Variants in SCD5 observed in about 807,000 individuals in gnomAD.
SCD5 encodes the protein acyl-CoA-desaturase 4.
A neutral mutation model predicts 30.4 loss-of-function variants in SCD5; 20 were observed. The ratio of observed to expected loss-of-function variants is 0.66; its 90% CI spans 0.46 to 0.96. SCD5 has a LOEUF of 0.96. Among genes scored for constraint, SCD5 ranks in the 40% least tolerant of loss-of-function variants. SCD5 has a pLI of 0.00. For missense variants in SCD5, 381 were observed against 443.3 expected (o/e 0.86, Z 1.26); for synonymous variants, 173 against 176.4 (o/e 0.98, Z 0.16).
At chr4:82,721,032 T>C (rs1720359323) in intron 1 of SCD5, among the ~76,000 whole-genome samples, 1 of 152,070 alleles carries the variant, frequency 6.6e-6, no homozygotes, top group South Asian at 2.1e-4. Context: ...TGGTGGCACA[T>C]GCCTGTAGTT....
At chr4:82,735,988 C>T (rs1450483994) in intron 1 of SCD5, among the ~76,000 whole-genome samples, 1 of 152,104 alleles carries the variant, frequency 6.6e-6, no homozygotes, top group Non-Finnish European at 1.5e-5. Context: ...TTATAACACA[C>T]AAATTTATTA....
intron 1 of SCD5, among the ~76,000 whole-genome samples, chr4:82,714,496 C>T (rs1227542465): frequency 2.0e-5 from 3 of 152,064 alleles, no homozygotes; most frequent in South Asian, 4.1e-4. Context: ...GCACCTGAAG[C>T]ATGAGCTCAT....
At chr4:82,636,933 G>C (rs1727445756) in intron 3 of SCD5, 110 bp from the exon 4 acceptor site, 1 of 877,022 alleles carries the variant, frequency 1.1e-6, no homozygotes, top group East Asian at 2.7e-5. Context: ...AACTGTGCCA[G>C]TCAGCTCCTT....
At chr4:82,722,662 A>T (rs1720392991) in intron 1 of SCD5, among the ~76,000 whole-genome samples, 1 of 151,340 alleles carries the variant, frequency 6.6e-6, no homozygotes, top group South Asian at 2.1e-4. Context: ...GCTACTGAGG[A>T]GCTGAGGCAA....
intron 1 of SCD5, among the ~76,000 whole-genome samples, chr4:82,706,723 A>C (rs71597918): frequency 1.4e-4 from 22 of 152,262 alleles, no homozygotes; most frequent in Non-Finnish European, 3.1e-4. Context: ...AGAAAGTGAG[A>C]CATGAAGACA....
intron 1 of SCD5, among the ~76,000 whole-genome samples, chr4:82,797,996 G>C (rs927860689): frequency 1.3e-5 from 2 of 152,134 alleles, no homozygotes; most frequent in Admixed American, 6.5e-5. Context: ...TGCGCACAGC[G>C]GTGGCACCGC....
chr4:82,798,364 C>G lies in SCD5; in HGVS notation c.174G>C (p.Leu58Phe). The change falls in exon 1 of 5, where the codon TTG (leucine) becomes TTC (phenylalanine). Residue 58 changes from leucine to phenylalanine, a missense_variant. Leu to Phe is a conservative substitution (Grantham distance 22). Coordinates refer to ENST00000319540, the MANE Select transcript of SCD5 (RefSeq NM_001037582.3). ...RNVVLMSLLH[L>F]GAVYSLVLIP... is the part of the protein sequence containing the mutation. The stretch of plus-strand genomic sequence containing the variant: ...TGAGCACCAGGGAGTACACGGCCCC[C>G]AAGTGGAGCAAGCTCATCAGGACGA... The G allele has an allele frequency of 6.2e-7, 1 of 1,613,390 alleles. No homozygotes were observed. The highest frequency in any genetic ancestry group is 1.1e-5 in the South Asian group (1 of 91,050).
chr4:82,641,340 T>C (rs572476903), intron 3 of SCD5, among the ~76,000 whole-genome samples: 164 of 148,264 alleles, frequency 1.1e-3, no homozygotes, highest in African/African-American at 3.9e-3. Flanking sequence ...CTGGCAGAGA[T>C]CTATATATCT....
rs777288031 is a variant in SCD5 at position 82,794,745 on chromosome 4, GT to G, written c.232+3560del. 2.2e-4 allele frequency among the ~76,000 whole-genome samples: 33 copies of G among 151,870 alleles called. No homozygotes were observed. In the South Asian group the frequency reaches 2.5e-3, roughly 11 times the overall value. ...GCTCCCTGCAAGCTCCACCTCCCAG[GT>G]TCACGCCATTCTCCTGCCTCAGCCT... On this transcript the variant is annotated intron_variant, in intron 1 of 4. Transcript: ENST00000319540.
At chr4:82,760,813 C>T (rs1276890049) in intron 1 of SCD5, among the ~76,000 whole-genome samples, 4 of 152,268 alleles carry the variant, frequency 2.6e-5, no homozygotes, top group East Asian at 3.9e-4. Context: ...TCATTCTTGC[C>T]GCACCACAAT....
At chr4:82,653,047 G>T (rs767842742) in intron 3 of SCD5, among the ~76,000 whole-genome samples, 1 of 146,994 alleles carries the variant, frequency 6.8e-6, no homozygotes, top group South Asian at 2.1e-4. Context: ...TGGCTACTTG[G>T]GGGGACTGAG....
At chr4:82,715,181 G>GAGCCGAGGTGGTA (rs1720199632) in intron 1 of SCD5, among the ~76,000 whole-genome samples, 1 of 150,526 alleles carries the variant, frequency 6.6e-6, no homozygotes, top group African/African-American at 2.5e-5. Context: ...AGGTTGCAGT[G>GAGCCGAGGTGGTA]CACTAAGATC....
chr4:82,703,905 G>A (rs950076512), intron 2 of SCD5, among the ~76,000 whole-genome samples: 1 of 152,142 alleles, frequency 6.6e-6, no homozygotes, highest in Non-Finnish European at 1.5e-5. Flanking sequence ...AAATAAGATG[G>A]CTGAAGTCAA....
At chr4:82,714,430 G>C (rs753007615) in intron 1 of SCD5, among the ~76,000 whole-genome samples, 5 of 152,130 alleles carry the variant, frequency 3.3e-5, no homozygotes, top group Non-Finnish European at 5.9e-5. Flanking sequence ...GGTAAACATT[G>C]AACAAATCAT....
chr4:82,693,073 G>A (rs1350297097), intron 2 of SCD5, among the ~76,000 whole-genome samples: 3 of 152,318 alleles, frequency 2.0e-5, no homozygotes, highest in East Asian at 3.9e-4. Context: ...TTGGATGGGG[G>A]TGGCCTCTTC....
rs533887785 is a variant in SCD5 at position 82,787,993 on chromosome 4, C to T, written c.232+10313G>A. Among the ~76,000 whole-genome samples the T allele has an allele frequency of 5.9e-5, 9 of 152,248 alleles. No homozygotes were observed. The East Asian group carries it at 1.7e-3, about 29-fold the overall frequency. Reference sequence around the variant, plus strand: ...TCGTGGTTAGAGTAAGCTGTGAGTGCACCACTGTACTCCAGCCTAGGAGAC... The same window carrying T: ...TCGTGGTTAGAGTAAGCTGTGAGTGTACCACTGTACTCCAGCCTAGGAGAC... On this transcript the variant is annotated intron_variant, in intron 1 of 4. Transcript: ENST00000319540.
intron 1 of SCD5, among the ~76,000 whole-genome samples, chr4:82,744,341 A>G (rs190448438): frequency 3.4e-4 from 52 of 152,320 alleles, no homozygotes; most frequent in Non-Finnish European, 5.9e-4. Flanking sequence ...CAACTTCTCC[A>G]ATCACCTGAT....
intron 3 of SCD5, among the ~76,000 whole-genome samples, chr4:82,642,149 G>C (rs1727559091): frequency 1.3e-5 from 2 of 152,014 alleles, no homozygotes; most frequent in South Asian, 2.1e-4. Context: ...CTATGATGTA[G>C]TTTTTATAAC....
At chr4:82,726,366 A>G (rs1720469228) in intron 1 of SCD5, among the ~76,000 whole-genome samples, 1 of 148,666 alleles carries the variant, frequency 6.7e-6, no homozygotes, top group African/African-American at 2.5e-5. Flanking sequence ...GTGGTGAGCC[A>G]TGATTGTGCC....
Sources: gnomAD v4.1 joint callset for allele counts (sites outside exome capture counted in the v4.1 genomes callset) on GRCh38, gnomAD v4.1.1 for gene constraint, MANE v1.5 for transcripts, NCBI Gene and HGNC (gene_info 2026-07-23, HGNC 2026-07-21) for gene names.